AQP8: variants seen among roughly 807,000 people sequenced by gnomAD.
AQP8 encodes the protein aquaporin 8.
Under a neutral mutation model 26.1 loss-of-function variants are expected in AQP8, and 14 were observed. The observed-to-expected ratio is 0.54, with a 90% CI of 0.35 to 0.84. The LOEUF (loss-of-function observed/expected upper bound fraction) is 0.84, where lower values mean the gene tolerates loss of function less well. Ranked by LOEUF, AQP8 falls within the 40% of genes least tolerant of loss-of-function variation. The pLI is 0.01. For missense variants in AQP8, 301 were observed against 340.5 expected (o/e 0.88, Z 0.91); for synonymous variants, 131 against 150.7 (o/e 0.87, Z 0.96).
chr16:25,219,384 GGA>G (rs1962527919), intron 2 of AQP8, among the ~76,000 whole-genome samples: 1 of 151,362 alleles, frequency 6.6e-6, no homozygotes, highest in Admixed American at 6.6e-5. Context: ...GTTGTTCACT[GGA>G]TCCAGGATAA....
Position 25,224,386 on chromosome 16 carries a change from T to C in AQP8, c.412T>C (p.Trp138Arg). ...AKAVSPEERF[W>R]NASGAAFVTV... ...GGCGGTGAGTCCTGAGGAGAGGTTC[T>C]GGAATGCATCTGGGGCGGCCTTTGT... Residue 138 changes from tryptophan to arginine, a missense_variant, in exon 4 of 6, where the codon TGG (tryptophan) becomes CGG (arginine). Coordinates refer to ENST00000219660, the MANE Select transcript of AQP8 (RefSeq NM_001169.3). 8 of 1,613,886 alleles carry C rather than the reference T, an allele frequency of 5.0e-6. No individual in the cohort carries two copies. The highest frequency in any genetic ancestry group is 2.2e-5 in the East Asian group (1 of 44,880).
At chr16:25,217,602 C>T (rs1962505849) in intron 2 of AQP8, among the ~76,000 whole-genome samples, 157 bp downstream of exon 2, 1 of 152,228 alleles carries the variant, frequency 6.6e-6, no homozygotes, top group African/African-American at 2.4e-5. Context: ...GGGTCAACTC[C>T]AGACCCCGCA....
At chr16:25,222,247 G>A (rs1438830985) in intron 3 of AQP8, among the ~76,000 whole-genome samples, 5 of 152,026 alleles carry the variant, frequency 3.3e-5, no homozygotes, top group African/African-American at 4.8e-5. Context: ...CTCTGCCTAG[G>A]AAAACCAGAG....
chr16:25,227,223 C>T, intron 5 of AQP8, 21 bp downstream of exon 5: 1 of 1,613,546 alleles, frequency 6.2e-7, no homozygotes, highest in Non-Finnish European at 8.5e-7. Flanking sequence ...GACACAGGGT[C>T]ACCGGCCCAT....
intron 2 of AQP8, among the ~76,000 whole-genome samples, chr16:25,217,736 C>A (rs1962508038): frequency 6.6e-6 from 1 of 152,236 alleles, no homozygotes; most frequent in Non-Finnish European, 1.5e-5. Context: ...CTATGTTGCC[C>A]AGGCTAGTCT....
At chr16:25,220,691 T>C (rs1962550060) in intron 2 of AQP8, among the ~76,000 whole-genome samples, 1 of 152,284 alleles carries the variant, frequency 6.6e-6, no homozygotes, top group East Asian at 1.9e-4. Context: ...AGACCACAAG[T>C]AGGGTTTTCA....
chr16:25,221,077 G>C (rs1411201181), intron 2 of AQP8, among the ~76,000 whole-genome samples: 1 of 151,908 alleles, frequency 6.6e-6, no homozygotes, highest in African/African-American at 2.4e-5. Flanking sequence ...CATAAGGGGA[G>C]GCCTGGATAC....
chr16:25,227,079 C>T lies in AQP8; in HGVS notation c.614C>T (p.Ser205Phe). Residue 205 changes from serine to phenylalanine, a missense_variant, in exon 5 of 6, where the codon TCT (serine) becomes TTT (phenylalanine). Coordinates refer to ENST00000219660, the MANE Select transcript of AQP8 (RefSeq NM_001169.3). ...TVDILAGGPV[S>F]GGCMNPARAF... ...CTGGGTGTTTGCAGGGGCCCTGTGT[C>T]TGGAGGCTGCATGAATCCCGCCCGT... The T allele has an allele frequency of 6.2e-7, 1 of 1,614,100 alleles. No individual in the cohort carries two copies. The highest frequency in any genetic ancestry group is 8.5e-7 in the Non-Finnish European group (1 of 1,180,048).
intron 5 of AQP8, among the ~76,000 whole-genome samples, chr16:25,227,751 G>C (rs1962654181): frequency 6.6e-6 from 1 of 151,904 alleles, no homozygotes; most frequent in South Asian, 2.1e-4. Context: ...GCCTCCCAAA[G>C]TGCTAGGATT....
Position 25,224,377 on chromosome 16 carries a change from G to A in AQP8, c.403G>A (p.Glu135Lys), listed in dbSNP as rs780410063. ...CTCTGTGCAGGCGGTGAGTCCTGAGGAGAGGTTCTGGAATGCATCTGGGGC... is the reference window on the plus strand; with the variant it reads ...CTCTGTGCAGGCGGTGAGTCCTGAGAAGAGGTTCTGGAATGCATCTGGGGC... ...AALAKAVSPEERFWNASGAAF... is the reference protein window; with the variant it reads ...AALAKAVSPEKRFWNASGAAF... Residue 135 changes from glutamate (E) to lysine (K), a missense_variant, in exon 4 of 6, where the codon GAG (glutamate) becomes AAG (lysine). Coordinates refer to ENST00000219660, the MANE Select transcript of AQP8 (RefSeq NM_001169.3). The A allele has an allele frequency of 5.6e-6, 9 of 1,613,518 alleles. No homozygotes were observed. In the Admixed American group the frequency reaches 6.7e-5, roughly 12 times the overall value.
At chr16:25,222,922 TA>T (rs1199015189) in intron 3 of AQP8, among the ~76,000 whole-genome samples, 3 of 152,232 alleles carry the variant, frequency 2.0e-5, no homozygotes, top group African/African-American at 7.2e-5. Flanking sequence ...CCCTGCCACT[TA>T]AAACCTGTCA....
intron 4 of AQP8, among the ~76,000 whole-genome samples, chr16:25,225,656 G>T (rs1024251242): frequency 2.0e-5 from 3 of 151,864 alleles, no homozygotes; most frequent in Admixed American, 1.3e-4. Context: ...TGATCCGCCC[G>T]CCTTGGCCTC....
At chr16:25,226,179 G>C (rs903221861) in intron 4 of AQP8, among the ~76,000 whole-genome samples, 4 of 152,194 alleles carry the variant, frequency 2.6e-5, no homozygotes, top group Non-Finnish European at 5.9e-5. Flanking sequence ...ACATCAAGGT[G>C]AATGGGGTAT....
At position 25,216,959 on chromosome 16, in the gene AQP8, C is replaced by T. The variant is rs1962492817; in HGVS notation, c.-87C>T. Reference sequence around the variant, plus strand: ...CCATAGTGTGATCAGCAGGTCCTGTCCCTAGGAGATAAGAGTATCTTGCAC... The same window carrying T: ...CCATAGTGTGATCAGCAGGTCCTGTTCCTAGGAGATAAGAGTATCTTGCAC... On this transcript the variant is annotated 5_prime_UTR_variant, in exon 1 of 6. Coordinates refer to ENST00000219660, the MANE Select transcript of AQP8 (RefSeq NM_001169.3). The T allele has an allele frequency of 3.8e-5, 60 of 1,575,224 alleles. 2 individuals are homozygous for T. In the South Asian group the frequency reaches 6.7e-4, roughly 18 times the overall value.
At chr16:25,220,098 C>T (rs981060690) in intron 2 of AQP8, among the ~76,000 whole-genome samples, 1 of 151,904 alleles carries the variant, frequency 6.6e-6, no homozygotes, top group Non-Finnish European at 1.5e-5. Flanking sequence ...TATCTGAGGG[C>T]CTGGGCCCAG....
intron 3 of AQP8, among the ~76,000 whole-genome samples, 173 bp from the exon 4 acceptor site, chr16:25,224,189 C>T (rs896054637): frequency 1.3e-5 from 2 of 152,170 alleles, no homozygotes; most frequent in Non-Finnish European, 2.9e-5. Context: ...CACGCAGGGT[C>T]GCACAGTAAA....
intron 1 of AQP8, 32 bp downstream of exon 1, chr16:25,217,089 G>T (rs1298040092): frequency 6.2e-7 from 1 of 1,613,758 alleles, no homozygotes; most frequent in Non-Finnish European, 8.5e-7. Context: ...TCCTCTCCAG[G>T]CTGGCAGAGC....
chr16:25,227,104 T>C lies in AQP8; in HGVS notation c.639T>C (p.Arg213=). 1 of 1,614,148 alleles carries C rather than the reference T, an allele frequency of 6.2e-7. No individual in the cohort carries two copies. The highest frequency in any genetic ancestry group is 8.5e-7 in the Non-Finnish European group (1 of 1,180,026). The change falls in exon 5 of 6, where the codon CGT becomes CGC. Residue 213 remains arginine (R), a synonymous_variant. Transcript: ENST00000219660. ...CTGGAGGCTGCATGAATCCCGCCCG[T>C]GCTTTTGGACCTGCGGTGGTGGCCA... ...PVSGGCMNPA[R]AFGPAVVANH...
rs1374953529 is a variant in AQP8, at chr16:25,228,828, G to A, written c.*336G>A. ...GTTTCTGCACATCAGCTCATTTCCC[G>A]CACCCCATTTCTTGCTTGATTGCTT... is the stretch of plus-strand genomic sequence containing the variant. On this transcript the variant is annotated 3_prime_UTR_variant, in exon 6 of 6. Coordinates refer to ENST00000219660, the MANE Select transcript of AQP8 (RefSeq NM_001169.3). The A allele has an allele frequency of 1.8e-5, 4 of 216,240 alleles. No individual in the cohort carries two copies. Among genetic ancestry groups the A allele is most frequent in the Non-Finnish European group, 2.7e-5 (3 of 109,190 alleles). The allele number at this position is 216,240 out of a possible 1,614,324, so 13.4% of individuals were successfully genotyped here.
Sources: allele counts gnomAD v4.1 joint callset (sites outside exome capture counted in the v4.1 genomes callset), GRCh38; gene constraint gnomAD v4.1.1; transcripts MANE v1.5; gene names NCBI Gene and HGNC (gene_info 2026-07-23, HGNC 2026-07-21).